Variants in CYP46A1 observed in about 807,000 individuals in gnomAD.
The protein encoded by CYP46A1 is cytochrome P450 family 46 subfamily A member 1, also known as cholesterol 24-hydroxylase.
Under a neutral mutation model 63.3 loss-of-function variants are expected in CYP46A1, and 20 were observed. The ratio of observed to expected loss-of-function variants is 0.32; its 90% confidence interval spans 0.22 to 0.46. The LOEUF is 0.46. Among genes scored for constraint, CYP46A1 ranks in the 20% least tolerant of loss-of-function variants. The pLI is 1.00. For synonymous variants in CYP46A1, 268 were observed against 273.6 expected, an observed-to-expected ratio of 0.98 and a Z score of 0.20; for missense variants, 445 against 670.8, an observed-to-expected ratio of 0.66 and a Z score of 3.72.
chr14:99,712,897 A>T (rs1273716001), intron 7 of CYP46A1: 1 of 152,256 alleles, frequency 6.6e-6, no homozygotes, highest in African/African-American at 2.4e-5. Context: ...TTCAAAATCT[A>T]CTATAAAGCT....
At chr14:99,691,042 T>A (rs778572158) in intron 1 of CYP46A1, 39 bp from the exon 2 acceptor site, 1 of 1,596,950 alleles carries the variant, frequency 6.3e-7, no homozygotes, top group Non-Finnish European at 8.6e-7. Context: ...TTCTTTCCTG[T>A]TGACTGCTGG....
Position 99,684,400 on chromosome 14 carries a change from C to T in CYP46A1, c.-18C>T, listed in dbSNP as rs941715725. Reference sequence around the variant, plus strand: ...GCGCCCGGCCCGACCCTGGCCTGGCCTGCCCTGCCCCGGAGCCATGAGCCC... The same window carrying T: ...GCGCCCGGCCCGACCCTGGCCTGGCTTGCCCTGCCCCGGAGCCATGAGCCC... On this transcript the variant is annotated 5_prime_UTR_variant, in exon 1 of 15. Transcript: ENST00000261835. 2 of 1,430,516 alleles carry T rather than the reference C, an allele frequency of 1.4e-6. No homozygotes were observed. Among genetic ancestry groups the T allele is most frequent in the African/African-American group, 3.0e-5 (2 of 67,110 alleles). The allele number at this position is 1,430,516 out of a possible 1,614,324, so 88.6% of individuals were successfully genotyped here.
intron 5 of CYP46A1, among the ~76,000 whole-genome samples, chr14:99,702,579 C>G (rs961288823): frequency 9.2e-5 from 14 of 152,066 alleles, no homozygotes; most frequent in African/African-American, 3.4e-4. Flanking sequence ...GTAAGGGACT[C>G]TTATATATCT....
chr14:99,702,699 T>C (rs1323966130), intron 5 of CYP46A1, among the ~76,000 whole-genome samples: 3 of 152,076 alleles, frequency 2.0e-5, no homozygotes, highest in Non-Finnish European at 2.9e-5. Context: ...TATATACATA[T>C]ATTTATATTT....
At position 99,722,979 on chromosome 14, in the gene CYP46A1, C is replaced by A. The variant is rs1038441597; in HGVS notation, c.1176+913C>A. On this transcript the variant is annotated intron_variant, in intron 12 of 14. Transcript: ENST00000261835. The surrounding 1 kb of genome is among the most constrained non-coding windows in gnomAD (Gnocchi z 4.6). ...ACTGTTCAGCTTTACAAACGAACGC[C>A]ACATTGTTTTCCAAAGTGGCTGCAC... is the stretch of plus-strand genomic sequence containing the variant. 2 of 431,706 alleles carry A rather than the reference C, an allele frequency of 4.6e-6. No homozygotes were observed. Among genetic ancestry groups the A allele is most frequent in the Middle Eastern group, 6.7e-4 (2 of 2,992 alleles). The allele number at this position is 431,706 out of a possible 1,614,324, so 26.7% of individuals were successfully genotyped here.
intron 10 of CYP46A1, among the ~76,000 whole-genome samples, chr14:99,720,355 C>G (rs1344144182): frequency 6.6e-6 from 1 of 152,088 alleles, no homozygotes; most frequent in Admixed American, 6.5e-5. Context: ...TTCCCACCAG[C>G]AGTGCGCAAG....
intron 11 of CYP46A1, among the ~76,000 whole-genome samples, chr14:99,721,709 C>A (rs536878260): frequency 1.3e-5 from 2 of 152,088 alleles, no homozygotes; most frequent in African/African-American, 2.4e-5. Flanking sequence ...AATGGTGGGA[C>A]CCCTGATTCC....
rs371199499 is a variant in CYP46A1, at chr14:99,707,696, C to T, written c.693+18C>T. 8 of 1,606,758 alleles carry T rather than the reference C, an allele frequency of 5.0e-6. No homozygotes were observed. The highest frequency in any genetic ancestry group is 1.6e-4 in the Middle Eastern group (1 of 6,064). ...TGGCAAAGGTACTGCCTCAGCACCC[C>T]CTCTGGTGACCAGCCACCAGAGCTG... On this transcript the variant is annotated intron_variant, in intron 7 of 14. Transcript: ENST00000261835.
chr14:99,713,909 A>G (rs1000688070), intron 7 of CYP46A1, among the ~76,000 whole-genome samples: 4 of 151,286 alleles, frequency 2.6e-5, no homozygotes, highest in African/African-American at 9.7e-5. Flanking sequence ...ACTATATTAA[A>G]TGTGACTATA....
intron 5 of CYP46A1, among the ~76,000 whole-genome samples, chr14:99,701,717 T>G (rs1242081847): frequency 6.6e-6 from 1 of 152,238 alleles, no homozygotes; most frequent in Non-Finnish European, 1.5e-5. Context: ...CGTTGGTATA[T>G]TCATAGAATT....
chr14:99,695,353 T>C, intron 3 of CYP46A1: 1 of 347,838 alleles, frequency 2.9e-6, no homozygotes, highest in South Asian at 2.3e-5. Flanking sequence ...TCTAATTTTC[T>C]GTCTACTTGT....
intron 1 of CYP46A1, among the ~76,000 whole-genome samples, chr14:99,685,712 G>A (rs1386742648): frequency 6.6e-6 from 1 of 151,966 alleles, no homozygotes; most frequent in Non-Finnish European, 1.5e-5. Context: ...AGATGTACTG[G>A]CGTTAGAAGC....
chr14:99,684,366 GC>G lies in CYP46A1; in HGVS notation c.-47del. 3.4e-6 allele frequency: 4 copies of G among 1,162,254 alleles called. No homozygotes were observed. The highest frequency in any genetic ancestry group is 2.9e-5 in the South Asian group (1 of 34,100). The allele number at this position is 1,162,254 out of a possible 1,614,324, so 72.0% of individuals were successfully genotyped here. Reference sequence around the variant, plus strand: ...AGCTGAGTCGGCTCGCGGCCTCCCGGCCCCCTCGGCGCCCGGCCCGACCCTG... The same window carrying G: ...AGCTGAGTCGGCTCGCGGCCTCCCGGCCCCTCGGCGCCCGGCCCGACCCTG... On this transcript the variant is annotated 5_prime_UTR_variant, in exon 1 of 15. Coordinates refer to ENST00000261835, the MANE Select transcript of CYP46A1 (RefSeq NM_006668.2).
At chr14:99,685,808 C>T (rs2056488999) in intron 1 of CYP46A1, among the ~76,000 whole-genome samples, 1 of 151,778 alleles carries the variant, frequency 6.6e-6, no homozygotes, top group Non-Finnish European at 1.5e-5. Context: ...GCTCTCTGCC[C>T]TTCTGGTGCT....
intron 1 of CYP46A1, 132 bp downstream of exon 1, chr14:99,684,668 G>T (rs1287607208): frequency 1.4e-6 from 1 of 731,892 alleles, no homozygotes; most frequent in Non-Finnish European, 2.3e-6. Context: ...CGGCGGCCCC[G>T]AGAGGGGCGC....
At chr14:99,721,884 G>A (rs1359731919) in intron 11 of CYP46A1, 72 bp from the exon 12 acceptor site, 22 of 1,284,534 alleles carry the variant, frequency 1.7e-5, no homozygotes, top group Non-Finnish European at 4.5e-6. Flanking sequence ...GGGGTCCCAG[G>A]CATGCCGCCG....
chr14:99,699,706 G>A lies in CYP46A1; in HGVS notation c.356+167G>A, dbSNP rs996285452. On this transcript the variant is annotated intron_variant, in intron 4 of 14. Coordinates refer to ENST00000261835, the MANE Select transcript of CYP46A1 (RefSeq NM_006668.2). The stretch of plus-strand genomic sequence containing the variant: ...AGTGGCCCCACTCTTGTCACGAGCA[G>A]TTTCCTCCTTCTCCCCCAACCTCCA... Among the ~76,000 whole-genome samples the A allele has an allele frequency of 2.0e-5, 3 of 152,160 alleles. 1 individual carries two copies. Among genetic ancestry groups the A allele is most frequent in the Admixed American group, 2.0e-4 (3 of 15,284 alleles).
At chr14:99,706,943 T>A (rs1356182983) in intron 6 of CYP46A1, among the ~76,000 whole-genome samples, 158 bp downstream of exon 6, 3 of 152,188 alleles carry the variant, frequency 2.0e-5, no homozygotes, top group Non-Finnish European at 4.4e-5. Context: ...TCTGTCTCCT[T>A]CAATATTCAA....
intron 3 of CYP46A1, chr14:99,693,688 T>C (rs2056562441): frequency 6.6e-6 from 1 of 152,232 alleles, no homozygotes; most frequent in African/African-American, 2.4e-5. Context: ...GGGAGTGATG[T>C]TATTTCTTCT....
Sources: allele counts gnomAD v4.1 joint callset (sites outside exome capture counted in the v4.1 genomes callset), GRCh38; gene constraint gnomAD v4.1.1; non-coding constraint Gnocchi (gnomAD v3.1); transcripts MANE v1.5; gene names NCBI Gene and HGNC (gene_info 2026-07-23, HGNC 2026-07-21).